The following SYNE1 variants were observed in gnomAD, a reference collection of about 807,000 sequenced individuals.
SYNE1 encodes the protein spectrin repeat containing nuclear envelope protein 1, also known as nesprin-1.
Under a neutral mutation model 1,111.0 loss-of-function variants are expected in SYNE1, and 616 were observed. The observed-to-expected ratio is 0.55, with a 90% CI of 0.52 to 0.59. The LOEUF (loss-of-function observed/expected upper bound fraction) is 0.59. SYNE1 is among the 20% of genes least tolerant of loss of function. The pLI, the probability that SYNE1 is intolerant of heterozygous loss-of-function variation, is 0.00. For missense variants in SYNE1, 10,006 were observed against 10,417.0 expected (o/e 0.96, Z 1.72); for synonymous variants, 3,855 against 3,825.8 (o/e 1.01, Z -0.28).
At chr6:152,512,597 T>C (rs9479334) in intron 6 of SYNE1, among the ~76,000 whole-genome samples, 6,008 of 152,288 alleles carry the variant, frequency 0.039, 395 homozygotes, top group African/African-American at 0.14. Context: ...AAAGTGCTAT[T>C]GAATATAATT....
chr6:152,433,997 A>G, intron 33 of SYNE1, 52 bp from the exon 34 acceptor site: 1 of 1,482,044 alleles, frequency 6.7e-7, no homozygotes, highest in Non-Finnish European at 9.3e-7. Context: ...ATAGAGAACA[A>G]CAACACATTT....
intron 3 of SYNE1, among the ~76,000 whole-genome samples, chr6:152,569,974 T>C (rs1595562438): frequency 6.6e-6 from 1 of 152,356 alleles, no homozygotes; most frequent in East Asian, 1.9e-4. Flanking sequence ...GTGTTCTTAG[T>C]TATTTCAGTC....
At chr6:152,270,734 TAAAC>T (rs1243100864) in intron 98 of SYNE1, among the ~76,000 whole-genome samples, 1 of 152,108 alleles carries the variant, frequency 6.6e-6, no homozygotes. Flanking sequence ...AGTTAGACTA[TAAAC>T]AAACAGATAA....
intron 140 of SYNE1, 47 bp downstream of exon 140, chr6:152,139,903 C>A (rs367865310): frequency 6.3e-7 from 1 of 1,577,832 alleles, no homozygotes; most frequent in South Asian, 1.1e-5. Flanking sequence ...GTCGTTCACG[C>A]GGTGGCTCTC....
chr6:152,458,798 G>T lies in SYNE1; in HGVS notation c.2527C>A (p.Arg843Ser). The T allele has an allele frequency of 6.2e-7, 1 of 1,613,982 alleles. No homozygotes were observed. The highest frequency in any genetic ancestry group is 8.5e-7 in the Non-Finnish European group (1 of 1,179,952). ...AAAAGGGCACTCGATTGTGCCTCAC[G>T]CTCAAGAACTGTGATAATTTCATTG... The part of the protein sequence containing the change: ...KINEIITVLE[R>S]EAQSSALFKQ... The change falls in exon 22 of 146, where the codon CGT becomes AGT. Residue 843 changes from arginine to serine, a missense_variant. Arg to Ser is a moderately radical substitution (Grantham distance 110). Around this residue, in one of 7 missense-constraint regions of SYNE1, gnomAD observed 1,971 missense variants for 2,084.1 expected, o/e 0.95. Transcript: ENST00000367255.
chr6:152,255,737 C>T lies in SYNE1; in HGVS notation c.19114G>A (p.Ala6372Thr), dbSNP rs769911507. 8.1e-6 allele frequency: 13 copies of T among 1,614,182 alleles called. No individual in the cohort carries two copies. In the Middle Eastern group the frequency reaches 1.5e-3, roughly 184 times the overall value. Residue 6372 changes from alanine (A) to threonine (T), a missense_variant, in exon 103 of 146, where the codon GCA becomes ACA. Ala to Thr is a moderately conservative substitution (Grantham distance 58). Coordinates refer to ENST00000367255, the MANE Select transcript of SYNE1 (RefSeq NM_182961.4). ...TCCAAGTGTATACTCTGCCTCTTTG[C>T]CCCTCCACTCTGGGAAACACAAAAC... ...FEEVSSQSGGAKRQSIHLEQK... is the reference protein window; with the variant it reads ...FEEVSSQSGGTKRQSIHLEQK...
rs1470214730 is a variant in SYNE1, at chr6:152,561,465, C to T, written c.68-21444G>A. The stretch of plus-strand genomic sequence containing the variant: ...TGGAAAGATATTTCCTTTTATGGAT[C>T]ACAAGAATCAATATTGTCAAAATGT... On this transcript the variant is annotated intron_variant, in intron 3 of 145. Transcript: ENST00000367255. 2.0e-5 allele frequency among the ~76,000 whole-genome samples: 3 copies of T among 151,964 alleles called. No homozygotes were observed. In the East Asian group the frequency reaches 5.8e-4, roughly 29 times the overall value.
chr6:152,349,442 G>A (rs2096704188), intron 72 of SYNE1, among the ~76,000 whole-genome samples: 1 of 152,204 alleles, frequency 6.6e-6, no homozygotes, highest in Non-Finnish European at 1.5e-5. Context: ...GACTCAGATA[G>A]GCTAAGTTGT....
intron 3 of SYNE1, among the ~76,000 whole-genome samples, chr6:152,612,099 G>C (rs2099632960): frequency 6.6e-6 from 1 of 150,418 alleles, no homozygotes; most frequent in African/African-American, 2.5e-5. Context: ...AGAGAAACAA[G>C]AGCAAATAAA....
At position 152,255,109 on chromosome 6, in the gene SYNE1, A is replaced by T. The variant is rs372088343; in HGVS notation, c.19261-20T>A. ...AAGAATCTAGAGGTGATAAAAGGGC[A>T]TTTTTCAGTGTTTAGATACATGAAT... On this transcript the variant is annotated intron_variant, in intron 103 of 145. Transcript: ENST00000367255. 1.9e-6 allele frequency: 3 copies of T among 1,559,022 alleles called. No individual in the cohort carries two copies. The highest frequency in any genetic ancestry group is 2.7e-5 in the African/African-American group (2 of 73,636).
At position 152,369,466 on chromosome 6, in the gene SYNE1, A is replaced by C. The variant is rs2154085631; in HGVS notation, c.9651+5T>G. 3 of 1,614,172 alleles carry C rather than the reference A, an allele frequency of 1.9e-6. No individual in the cohort carries two copies. The highest frequency in any genetic ancestry group is 2.7e-5 in the African/African-American group (2 of 75,062). On this transcript the variant is annotated splice_donor_5th_base_variant and intron_variant, in intron 60 of 145. Transcript: ENST00000367255. The stretch of plus-strand genomic sequence containing the variant: ...GATGGGGCTACGGGGAGGCGGGCTC[A>C]TCACCTGGAGCTTCTGCTGCTCCCT...
At chr6:152,439,639 T>C (rs1297956195) in intron 32 of SYNE1, among the ~76,000 whole-genome samples, 1 of 152,158 alleles carries the variant, frequency 6.6e-6, no homozygotes, top group Non-Finnish European at 1.5e-5. Context: ...CTCAGTGAGT[T>C]TTTAGGAGAA....
chr6:152,223,311 C>A (rs2080633135), intron 117 of SYNE1, among the ~76,000 whole-genome samples: 1 of 152,018 alleles, frequency 6.6e-6, no homozygotes, highest in Non-Finnish European at 1.5e-5. Context: ...TCCACCCTAC[C>A]CTAAAAAAAA....
chr6:152,227,684 C>T (rs1043193348), intron 115 of SYNE1, among the ~76,000 whole-genome samples: 5 of 152,052 alleles, frequency 3.3e-5, no homozygotes, highest in Non-Finnish European at 7.4e-5. Flanking sequence ...TAAAATTCAA[C>T]AATTAGAAAT....
intron 5 of SYNE1, among the ~76,000 whole-genome samples, chr6:152,524,895 C>G (rs771423011): frequency 6.6e-6 from 1 of 152,176 alleles, no homozygotes; most frequent in African/African-American, 2.4e-5. Flanking sequence ...TATTCATAGA[C>G]TCCCATATCC....
intron 117 of SYNE1, 95 bp downstream of exon 117, chr6:152,224,397 CAT>C (rs2080969326): frequency 9.3e-7 from 1 of 1,077,084 alleles, no homozygotes; most frequent in African/African-American, 1.6e-5. Flanking sequence ...ACGTAAACAA[CAT>C]ATGGCAATAT....
In SYNE1 at chr6:152,413,506, C is replaced by T; in HGVS notation, c.6076G>A (p.Asp2026Asn). Residue 2026 changes from aspartate (D) to asparagine (N), a missense_variant, in exon 42 of 146, where the codon GAT (aspartate) becomes AAT (asparagine). Coordinates refer to ENST00000367255, the MANE Select transcript of SYNE1 (RefSeq NM_182961.4). Reference protein sequence around the residue: ...QRLRVFNQLEDELNSHEHELC... With the variant: ...QRLRVFNQLENELNSHEHELC... ...TCATGCTCGTGAGAATTCAATTCAT[C>T]TTCTAGCTGATTAAACACTCTTAAC... 6.2e-7 allele frequency: 1 copy of T among 1,614,146 alleles called. No individual in the cohort carries two copies. Among genetic ancestry groups the T allele is most frequent in the Non-Finnish European group, 8.5e-7 (1 of 1,180,004 alleles).
intron 5 of SYNE1, among the ~76,000 whole-genome samples, chr6:152,525,284 T>C (rs1319356442): frequency 6.6e-6 from 1 of 152,196 alleles, no homozygotes; most frequent in African/African-American, 2.4e-5. Context: ...AATGATTGTG[T>C]CATTATTGCC....
chr6:152,469,631 G>A (rs1342248703), intron 16 of SYNE1, among the ~76,000 whole-genome samples: 8 of 152,220 alleles, frequency 5.3e-5, no homozygotes, highest in Non-Finnish European at 5.9e-5. Flanking sequence ...TCACTAAGAC[G>A]TAAGATACCA....
Sources: allele counts gnomAD v4.1 joint callset (sites outside exome capture counted in the v4.1 genomes callset), GRCh38; gene constraint gnomAD v4.1.1; regional missense constraint gnomAD v4.1.1; transcripts MANE v1.5; gene names NCBI Gene and HGNC (gene_info 2026-07-23, HGNC 2026-07-21).